The following POM121 variants were observed in gnomAD, a reference collection of about 807,000 sequenced individuals.
The protein encoded by POM121 is POM121 transmembrane nucleoporin, also known as nuclear envelope pore membrane protein POM 121.
Under a neutral mutation model 81.3 loss-of-function variants are expected in POM121, and 32 were observed. That is an observed-to-expected ratio of 0.39 (90% CI 0.30 to 0.53). The LOEUF (loss-of-function observed/expected upper bound fraction) is 0.53, where lower values mean the gene tolerates loss of function less well. Ranked by LOEUF, POM121 falls within the 20% of genes least tolerant of loss-of-function variation. The pLI, the probability that POM121 is intolerant of heterozygous loss-of-function variation, is 0.66. For missense variants in POM121, 1,138 were observed against 1,614.6 expected (o/e 0.70, Z 5.06); for synonymous variants, 514 against 694.2 (o/e 0.74, Z 4.08).
chr7:72,945,490 C>T (rs557550188), intron 11 of POM121, 96 bp from the exon 12 acceptor site: 22 of 1,469,470 alleles, frequency 1.5e-5, no homozygotes, highest in Admixed American at 4.5e-5. Context: ...CTGAGGGTCC[C>T]GTGGGAAGTG....
At chr7:72,934,403 C>G (rs1183312010) in intron 5 of POM121, among the ~76,000 whole-genome samples, 3 of 152,182 alleles carry the variant, frequency 2.0e-5, no homozygotes, top group Non-Finnish European at 4.4e-5. Context: ...TTGTCTTTTT[C>G]TTAGAGATTT....
At chr7:72,938,085 T>C (rs191966483) in intron 5 of POM121, among the ~76,000 whole-genome samples, 1 of 152,352 alleles carries the variant, frequency 6.6e-6, no homozygotes, top group Admixed American at 6.5e-5. Flanking sequence ...ACCTAATATA[T>C]GCAAAAGTGT....
At position 72,945,667 on chromosome 7, in the gene POM121, C is replaced by T. The variant is rs782816244; in HGVS notation, c.3611C>T (p.Ser1204Phe). 6.8e-6 allele frequency: 11 copies of T among 1,612,522 alleles called. No individual in the cohort carries two copies. The African/African-American group carries it at 8.0e-5, about 12-fold the overall frequency. Residue 1204 changes from serine (S) to phenylalanine (F), a missense_variant, in exon 12 of 13, where the codon TCC becomes TTC. Transcript: ENST00000434423. ...TSGSSLSFGA[S>F]SAPAQGFVGV... ...GGCAGCAGCCTCTCCTTTGGGGCAT[C>T]CTCAGCACCCGCCCAAGGCTTTGTT...
chr7:72,942,177 C>T lies in POM121; in HGVS notation c.2184C>T (p.Phe728=), dbSNP rs781825415. Residue 728 remains phenylalanine, a synonymous_variant, in exon 11 of 13, where the codon TTC becomes TTT. Coordinates refer to ENST00000434423, the MANE Select transcript of POM121 (RefSeq NM_001387691.1). ...CTGCATCTTCAGCACCTCCCATGTT[C>T]AAGCCCATTTTCACGGCTCCACCCA... The part of the protein sequence containing the change: ...APAASSAPPM[F]KPIFTAPPKS... 1 of 1,610,144 alleles carries T rather than the reference C, an allele frequency of 6.2e-7. No homozygotes were observed. The highest frequency in any genetic ancestry group is 1.1e-5 in the South Asian group (1 of 90,834).
At chr7:72,949,973 A>T, downstream of POM121, 5 of 1,608,200 alleles carry the variant, frequency 3.1e-6, no homozygotes, top group Non-Finnish European at 4.3e-6. Context: ...TGGCAGGCAG[A>T]ACACAGGGGC....
At chr7:72,907,805 C>G (rs1563143082) in intron 3 of POM121, among the ~76,000 whole-genome samples, 1 of 152,148 alleles carries the variant, frequency 6.6e-6, no homozygotes, top group Non-Finnish European at 1.5e-5. Context: ...GCCACCGCGC[C>G]CAGCCTCTTC....
rs1554497128 is a variant in POM121, at chr7:72,925,647, C to G, written c.526C>G (p.Pro176Ala). The G allele has an allele frequency of 3.0e-5, 30 of 1,007,478 alleles. No individual in the cohort carries two copies. Among genetic ancestry groups the G allele is most frequent in the Non-Finnish European group, 3.6e-5 (29 of 806,882 alleles). The allele number at this position is 1,007,478 out of a possible 1,614,324, so 62.4% of individuals were successfully genotyped here. ...PPARPAPRSP[P>A]PRSPPPRSPP... ...TGCCCGCCCGGCGCCGCGCTCCCCA[C>G]CGCCGCGCTCCCCACCGCCGCGCTC... Residue 176 changes from proline to alanine, a missense_variant, in exon 1 of 13, where the codon CCG (proline) becomes GCG (alanine). Pro to Ala is a conservative substitution (Grantham distance 27). Around this residue, in one of 7 missense-constraint regions of POM121, gnomAD observed 646 missense variants for 633.5 expected, o/e 1.02. Coordinates refer to ENST00000434423, the MANE Select transcript of POM121 (RefSeq NM_001387691.1).
chr7:72,944,792 C>A (rs1204398755), intron 11 of POM121, among the ~76,000 whole-genome samples: 3 of 150,690 alleles, frequency 2.0e-5, no homozygotes, highest in African/African-American at 7.4e-5. Context: ...TGGCAGGGGT[C>A]GGGGAGAGGA....
At position 72,946,219 on chromosome 7, in the gene POM121, C is replaced by G; in HGVS notation, c.3735C>G (p.His1245Gln). 6.2e-7 allele frequency: 1 copy of G among 1,611,500 alleles called. No homozygotes were observed. Among genetic ancestry groups the G allele is most frequent in the Non-Finnish European group, 8.5e-7 (1 of 1,179,666 alleles). ...AGCGACTGCAGGCCCGAAGGCAGCACACCCGCAAAAAGTAGCCTTTGTCCC... is the reference window on the plus strand; with the variant it reads ...AGCGACTGCAGGCCCGAAGGCAGCAGACCCGCAAAAAGTAGCCTTTGTCCC... ...ARQRLQARRQ[H>Q]TRKK Residue 1245 changes from histidine to glutamine, a missense_variant, in exon 13 of 13, where the codon CAC becomes CAG. Physicochemically the swap from His to Gln is conservative, Grantham distance 24. This residue lies in a region of POM121 where 336 missense variants were observed against 344.3 expected (regional missense o/e 0.98). Transcript: ENST00000434423.
In POM121 at chr7:72,939,186, C is replaced by T. The variant is rs1203007391; in HGVS notation, c.1368-150C>T. On this transcript the variant is annotated intron_variant, in intron 6 of 12. Coordinates refer to ENST00000434423, the MANE Select transcript of POM121 (RefSeq NM_001387691.1). ...CCTCCCTTCATTCTGTTGGAATTTC[C>T]TGTTGACTTTTTTTATCCTGGCATA... The T allele has an allele frequency of 2.6e-6, 3 of 1,167,636 alleles. No homozygotes were observed. In the African/African-American group the frequency reaches 4.7e-5, roughly 18 times the overall value. The allele number at this position is 1,167,636 out of a possible 1,614,324, so 72.3% of individuals were successfully genotyped here.
At chr7:72,903,211 A>C (rs1792883758) in intron 3 of POM121, among the ~76,000 whole-genome samples, 1 of 152,222 alleles carries the variant, frequency 6.6e-6, no homozygotes, top group Non-Finnish European at 1.5e-5. Flanking sequence ...CAAGGTGGGC[A>C]GATTGCCTGA....
chr7:72,936,400 C>G (rs1334310439), intron 5 of POM121, among the ~76,000 whole-genome samples: 5 of 151,646 alleles, frequency 3.3e-5, no homozygotes, highest in Non-Finnish European at 5.9e-5. Flanking sequence ...GCCTCAGACT[C>G]CCAAGTAGCT....
At chr7:72,891,257 C>A in intron 3 of POM121, 1 of 467,798 alleles carries the variant, frequency 2.1e-6, no homozygotes, top group Non-Finnish European at 3.9e-6. Context: ...TACATGAACT[C>A]TTTTGTTTAT....
At position 72,946,352 on chromosome 7, in the gene POM121, C is replaced by T. The variant is rs567135888; in HGVS notation, c.*118C>T. The T allele has an allele frequency of 2.1e-6, 3 of 1,445,446 alleles. No individual in the cohort carries two copies. The African/African-American group carries it at 4.3e-5, about 21-fold the overall frequency. 89.5% of individuals were successfully genotyped at this position (1,445,446 alleles called of 1,614,324 possible). A position where few individuals can be genotyped will look rare whatever the true frequency, so the allele number is the denominator to read the frequency against. ...AAGCAAACCTACCCCGGATCTCTGG[C>T]TTCAGCCGCCAGGGGGCAGTGGCAG... On this transcript the variant is annotated 3_prime_UTR_variant, in exon 13 of 13. Coordinates refer to ENST00000434423, the MANE Select transcript of POM121 (RefSeq NM_001387691.1).
intron 3 of POM121, among the ~76,000 whole-genome samples, chr7:72,893,445 G>A (rs1359214380): frequency 3.9e-5 from 6 of 151,988 alleles, no homozygotes; most frequent in South Asian, 2.1e-4. Flanking sequence ...TTAGCCGGGC[G>A]TGGTGGCGGG....
chr7:72,946,364 G>C lies in POM121; in HGVS notation c.*130G>C. ...CCCGGATCTCTGGCTTCAGCCGCCAGGGGGCAGTGGCAGCCCTGGGGCCCT... is the reference window on the plus strand; with the variant it reads ...CCCGGATCTCTGGCTTCAGCCGCCACGGGGCAGTGGCAGCCCTGGGGCCCT... On this transcript the variant is annotated 3_prime_UTR_variant, in exon 13 of 13. Coordinates refer to ENST00000434423, the MANE Select transcript of POM121 (RefSeq NM_001387691.1). The C allele has an allele frequency of 1.4e-6, 2 of 1,439,500 alleles. No individual in the cohort carries two copies. The highest frequency in any genetic ancestry group is 1.5e-5 in the South Asian group (1 of 67,208). The allele number at this position is 1,439,500 out of a possible 1,614,324, so 89.2% of individuals were successfully genotyped here.
chr7:72,939,308 G>A (rs782790444), intron 6 of POM121, 28 bp from the exon 7 acceptor site: 26 of 1,612,434 alleles, frequency 1.6e-5, no homozygotes, highest in Non-Finnish European at 2.2e-5. Context: ...AGCCTTTCTA[G>A]ACTAAATTGT....
upstream of POM121, among the ~76,000 whole-genome samples, chr7:72,923,958 T>C (rs1406227982): frequency 6.8e-6 from 1 of 148,032 alleles, no homozygotes; most frequent in African/African-American, 2.5e-5. Flanking sequence ...TTTTTTTTCT[T>C]TTTTTGAGAC....
chr7:72,948,361 C>T (rs373554139), downstream of POM121: 38 of 1,612,684 alleles, frequency 2.4e-5, no homozygotes, highest in African/African-American at 2.3e-4. Flanking sequence ...GAACACAGCC[C>T]GAGGAAGGGA....
Sources: gnomAD v4.1 joint callset for allele counts (sites outside exome capture counted in the v4.1 genomes callset) on GRCh38, gnomAD v4.1.1 for gene constraint, gnomAD v4.1.1 regional missense constraint, MANE v1.5 for transcripts, NCBI Gene and HGNC (gene_info 2026-07-23, HGNC 2026-07-21) for gene names.